CHD1L: variants seen among roughly 807,000 people sequenced by gnomAD.
CHD1L encodes the protein chromodomain helicase DNA binding protein 1 like.
CHD1L carries 118 observed loss-of-function variants against 115.9 expected under a neutral mutation model. That is an observed-to-expected ratio of 1.02 (90% CI 0.88 to 1.19). The LOEUF is 1.19. CHD1L is among the 50% of genes most tolerant of loss of function. CHD1L has a pLI of 0.00. For missense variants in CHD1L, 1,179 were observed against 1,065.3 expected (o/e 1.11, Z -1.49); for synonymous variants, 411 against 387.1 (o/e 1.06, Z -0.72).
chr1:147,179,569 AC>A, the CHD1L span: 12 of 1,587,720 alleles, frequency 7.6e-6, no homozygotes, highest in South Asian at 1.1e-5. Flanking sequence ...GAAGCTACAA[AC>A]CCCCCTGTAA....
the CHD1L span, among the ~76,000 whole-genome samples, chr1:147,206,360 G>T: frequency 6.6e-6 from 1 of 152,070 alleles, no homozygotes; most frequent in Non-Finnish European, 1.5e-5. Context: ...ACAGTGTGGC[G>T]ATTCCTCAAA....
At chr1:147,284,265 T>C in intron 15 of CHD1L, 86 bp from the exon 16 acceptor site, 1 of 1,101,080 alleles carries the variant, frequency 9.1e-7, no homozygotes, top group Non-Finnish European at 1.3e-6. Flanking sequence ...GCTGTTCTCC[T>C]GTCCACTTTT....
Position 147,252,690 on chromosome 1 carries a change from T to C in CHD1L, c.195T>C (p.Asn65=). The C allele has an allele frequency of 1.9e-6, 3 of 1,614,152 alleles. No homozygotes were observed. Among genetic ancestry groups the C allele is most frequent in the Non-Finnish European group, 2.5e-6 (3 of 1,180,020 alleles). ...NWLAQRFHCQ[N]GCILGDEMGL... ...TCGCCCAGCGCTTCCATTGTCAGAA[T>C]GGCTGTATCCTGGGAGATGAGATGG... Residue 65 remains asparagine (N), a synonymous_variant, in exon 2 of 23, where the codon AAT becomes AAC. Coordinates refer to ENST00000369258, the MANE Select transcript of CHD1L (RefSeq NM_004284.6).
chr1:147,291,893 A>G (rs375683398), intron 20 of CHD1L, among the ~76,000 whole-genome samples: 3 of 151,808 alleles, frequency 2.0e-5, no homozygotes, highest in East Asian at 1.9e-4. Context: ...ATCAGGCCCC[A>G]CCCTAAACCC....
chr1:147,213,917 T>C, the CHD1L span, among the ~76,000 whole-genome samples: 2 of 152,172 alleles, frequency 1.3e-5, no homozygotes, highest in African/African-American at 4.8e-5. Context: ...GCTATAGGGC[T>C]CCTTTTCCTG....
At chr1:147,295,299 T>C (rs1687118333) in intron 22 of CHD1L, 132 bp from the exon 23 acceptor site, 1 of 680,134 alleles carries the variant, frequency 1.5e-6, no homozygotes, top group Admixed American at 2.7e-5. Context: ...ATTGAAAGTG[T>C]TTATGATATC....
In CHD1L at chr1:147,265,920, TTTC is replaced by T; in HGVS notation, c.740-9_740-7del. On this transcript the variant is annotated splice_polypyrimidine_tract_variant and intron_variant, in intron 7 of 22. Transcript: ENST00000369258. ...TTGTCCCACACTTCTTGTATTTTTT[TTTC>T]TTATGTAGCAAGTGAACTGCACAAA... is the stretch of plus-strand genomic sequence containing the variant. 6.3e-7 allele frequency: 1 copy of T among 1,597,856 alleles called. No homozygotes were observed. Among genetic ancestry groups the T allele is most frequent in the Non-Finnish European group, 8.5e-7 (1 of 1,174,250 alleles).
chr1:147,189,065 G>T, the CHD1L span, among the ~76,000 whole-genome samples: 1 of 151,918 alleles, frequency 6.6e-6, no homozygotes, highest in African/African-American at 2.4e-5. Context: ...CACAAGGTCA[G>T]GAGTTTGAGA....
the CHD1L span, among the ~76,000 whole-genome samples, chr1:147,188,772 A>G: frequency 6.6e-6 from 1 of 151,658 alleles, no homozygotes; most frequent in East Asian, 1.9e-4. Flanking sequence ...TTAAAAAAAA[A>G]AAAGGTTACA....
the CHD1L span, chr1:147,215,985 T>C: frequency 1.4e-6 from 2 of 1,467,680 alleles, no homozygotes; most frequent in South Asian, 1.3e-5. Context: ...GAGGATCATC[T>C]TCATGTTTTA....
rs1452486110 is a variant in CHD1L at position 147,288,322 on chromosome 1, C to CATAAAAAAAAAAAAAAA, written c.2320+590_2320+591insTAAAAAAAAAAAAAAAA. Among the ~76,000 whole-genome samples, 11 of 87,910 alleles carry CATAAAAAAAAAAAAAAA rather than the reference C, an allele frequency of 1.3e-4. 1 individual carries two copies. The highest frequency in any genetic ancestry group is 3.8e-4 in the African/African-American group (8 of 20,780). 57.7% of individuals were successfully genotyped at this position (87,910 alleles called of 152,430 possible). The stretch of plus-strand genomic sequence containing the variant: ...CCTGAGTGAGAGTGAGACCCTGTTT[C>CATAAAAAAAAAAAAAAA]AATAAAAAAAAAAAAAAAAAAAAAG... On this transcript the variant is annotated intron_variant, in intron 19 of 22. Transcript: ENST00000369258.
chr1:147,179,184 T>C, the CHD1L span: 1 of 1,614,088 alleles, frequency 6.2e-7, no homozygotes. Flanking sequence ...AGGATTACTT[T>C]GATGGCAATC....
intron 19 of CHD1L, among the ~76,000 whole-genome samples, chr1:147,290,137 C>T (rs1217383320): frequency 1.3e-5 from 2 of 152,120 alleles, no homozygotes; most frequent in African/African-American, 4.8e-5. Context: ...GTCTGGAGTG[C>T]AGTGGCCCGA....
At chr1:147,179,278 A>C in the CHD1L span, 2 of 1,609,550 alleles carry the variant, frequency 1.2e-6, no homozygotes, top group African/African-American at 2.7e-5. Flanking sequence ...TTTTGATGAA[A>C]TAGTGAATAA....
chr1:147,262,938 T>G (rs1224016806), intron 6 of CHD1L, among the ~76,000 whole-genome samples: 2 of 152,124 alleles, frequency 1.3e-5, no homozygotes, highest in African/African-American at 4.8e-5. Flanking sequence ...ATCTTTGCTG[T>G]GTGTATACAT....
At chr1:147,250,493 G>A (rs1668070445) in intron 1 of CHD1L, among the ~76,000 whole-genome samples, 1 of 152,040 alleles carries the variant, frequency 6.6e-6, no homozygotes, top group South Asian at 2.1e-4. Flanking sequence ...CATCCTGCTG[G>A]GTGAGGGTGG....
chr1:147,228,735 T>G, the CHD1L span, among the ~76,000 whole-genome samples: 1 of 152,244 alleles, frequency 6.6e-6, no homozygotes, highest in African/African-American at 2.4e-5. Context: ...CATTGTGGTT[T>G]TGATTTGTAT....
At chr1:147,199,672 A>G in the CHD1L span, among the ~76,000 whole-genome samples, 5 of 152,208 alleles carry the variant, frequency 3.3e-5, no homozygotes, top group African/African-American at 1.2e-4. Flanking sequence ...TTAAAAGATC[A>G]CTTTAATATG....
intron 1 of CHD1L, among the ~76,000 whole-genome samples, chr1:147,251,077 G>A (rs1006568265): frequency 6.6e-6 from 1 of 152,200 alleles, no homozygotes; most frequent in Non-Finnish European, 1.5e-5. Flanking sequence ...CTCCATCCAT[G>A]TGGAATTGTG....
Sources: gnomAD v4.1 joint callset for allele counts (sites outside exome capture counted in the v4.1 genomes callset) on GRCh38, gnomAD v4.1.1 for gene constraint, MANE v1.5 for transcripts, NCBI Gene and HGNC (gene_info 2026-07-23, HGNC 2026-07-21) for gene names.